The following DOCK4 variants were observed in gnomAD, a reference collection of about 807,000 sequenced individuals.
DOCK4 encodes the protein dedicator of cytokinesis protein 4.
Under a neutral mutation model 268.1 loss-of-function variants are expected in DOCK4, and 97 were observed. The ratio of observed to expected loss-of-function variants is 0.36; its 90% CI spans 0.31 to 0.43. DOCK4 has a LOEUF of 0.43. DOCK4 is among the 20% of genes least tolerant of loss of function. The pLI is 1.00. For synonymous variants in DOCK4, 954 were observed against 887.2 expected (o/e 1.08, Z -1.34); for missense variants, 2,145 against 2,455.7 (o/e 0.87, Z 2.67).
At chr7:111,973,807 C>G (rs1306610258) in intron 8 of DOCK4, among the ~76,000 whole-genome samples, 1 of 151,858 alleles carries the variant, frequency 6.6e-6, no homozygotes, top group Non-Finnish European at 1.5e-5. Context: ...GTTGTTGAAG[C>G]TGGTGGAGGG....
chr7:111,831,658 C>T (rs990129355), intron 26 of DOCK4, among the ~76,000 whole-genome samples: 1 of 151,832 alleles, frequency 6.6e-6, no homozygotes, highest in Non-Finnish European at 1.5e-5. Context: ...CTAGTTTTTA[C>T]AAACTTTTTA....
At chr7:111,751,145 A>T (rs868545130) in intron 42 of DOCK4, among the ~76,000 whole-genome samples, 2 of 152,218 alleles carry the variant, frequency 1.3e-5, no homozygotes, top group South Asian at 4.1e-4. Context: ...ACCAAGTATG[A>T]AGTAGTCTTG....
chr7:112,026,955 T>TCG (rs1802853101), intron 1 of DOCK4, among the ~76,000 whole-genome samples: 1 of 152,112 alleles, frequency 6.6e-6, no homozygotes, highest in Non-Finnish European at 1.5e-5. Flanking sequence ...AGGTGGGAGG[T>TCG]CGATCTTCAG....
At chr7:111,742,556 TC>T (rs57736716) in intron 44 of DOCK4, among the ~76,000 whole-genome samples, 145,524 of 152,090 alleles carry the variant, frequency 0.96, 69,656 homozygotes, top group Middle Eastern at 0.98. Flanking sequence ...TGGCACCCTC[TC>T]CCCCCACATT....
chr7:111,825,278 A>T (rs1802306035), intron 26 of DOCK4, among the ~76,000 whole-genome samples: 1 of 152,228 alleles, frequency 6.6e-6, no homozygotes, highest in South Asian at 2.1e-4. Flanking sequence ...CATGTAATTT[A>T]GTTTAGCAAG....
rs983421572 is a variant in DOCK4 at position 111,917,708 on chromosome 7, A to T, written c.1067-1804T>A. On this transcript the variant is annotated intron_variant, in intron 12 of 52. Coordinates refer to ENST00000428084, the MANE Select transcript of DOCK4 (RefSeq NM_001363540.2). The stretch of plus-strand genomic sequence containing the variant: ...GTGACAGAGCGAGACCCCATAATAA[A>T]AAAAAAAAAAAAGATGAATTTGCTT... Among the ~76,000 whole-genome samples, 40 of 151,598 alleles carry T rather than the reference A, an allele frequency of 2.6e-4. 1 individual carries two copies. Among genetic ancestry groups the T allele is most frequent in the Middle Eastern group, 3.4e-3 (1 of 294 alleles).
intron 4 of DOCK4, among the ~76,000 whole-genome samples, chr7:111,998,020 C>T (rs1800105679): frequency 6.6e-6 from 1 of 152,126 alleles, no homozygotes; most frequent in African/African-American, 2.4e-5. Context: ...AGTGGTCACA[C>T]AAGAATATGT....
chr7:111,749,707 G>A (rs536308824), intron 42 of DOCK4, among the ~76,000 whole-genome samples: 1 of 152,174 alleles, frequency 6.6e-6, no homozygotes, highest in Non-Finnish European at 1.5e-5. Context: ...GATTGGTATA[G>A]AGTTCATCAA....
chr7:111,998,337 G>C, intron 4 of DOCK4, 111 bp downstream of exon 4: 1 of 825,934 alleles, frequency 1.2e-6, no homozygotes, highest in East Asian at 2.8e-5. Context: ...ACAGACAATG[G>C]TATGATCTTC....
chr7:111,972,861 A>G (rs6968561), intron 8 of DOCK4, among the ~76,000 whole-genome samples: 45,861 of 151,032 alleles, frequency 0.3, 8,914 homozygotes, highest in African/African-American at 0.56. Context: ...GTTCTTTAGT[A>G]GTGATTTCTG....
intron 10 of DOCK4, among the ~76,000 whole-genome samples, chr7:111,942,385 G>A (rs980298434): frequency 6.6e-6 from 1 of 152,160 alleles, no homozygotes; most frequent in Non-Finnish European, 1.5e-5. Flanking sequence ...TCTGTAAGAA[G>A]TATGTGTCCC....
chr7:112,008,747 A>G (rs2135345388), intron 1 of DOCK4, among the ~76,000 whole-genome samples: 1 of 152,348 alleles, frequency 6.6e-6, no homozygotes, highest in Non-Finnish European at 1.5e-5. Context: ...TAATCCCAGC[A>G]CTTTGCGGGG....
intron 1 of DOCK4, among the ~76,000 whole-genome samples, chr7:112,167,468 A>T (rs542353816): frequency 4.6e-5 from 7 of 152,358 alleles, no homozygotes; most frequent in Admixed American, 3.9e-4. Context: ...GGAAAAGGCC[A>T]TGAAAATACT....
intron 1 of DOCK4, among the ~76,000 whole-genome samples, chr7:112,040,961 T>C (rs1188298425): frequency 6.6e-6 from 1 of 152,222 alleles, no homozygotes; most frequent in Non-Finnish European, 1.5e-5. Flanking sequence ...TAGTTATCTC[T>C]GGATGACGGA....
At chr7:112,102,501 G>A (rs1414020384) in intron 1 of DOCK4, among the ~76,000 whole-genome samples, 2 of 152,194 alleles carry the variant, frequency 1.3e-5, no homozygotes, top group African/African-American at 2.4e-5. Flanking sequence ...ATAGTATTAT[G>A]AGGTGGGGCC....
intron 52 of DOCK4, among the ~76,000 whole-genome samples, chr7:111,731,591 T>TAAAG (rs1795087666): frequency 6.6e-6 from 1 of 152,204 alleles, no homozygotes; most frequent in Non-Finnish European, 1.5e-5. Context: ...TTTTTATGTT[T>TAAAG]AAAGATGTTA....
chr7:111,791,100 A>AT (rs67130458), intron 30 of DOCK4, among the ~76,000 whole-genome samples: 4,935 of 123,384 alleles, frequency 0.04, 336 homozygotes, highest in African/African-American at 0.099. Flanking sequence ...ATATATATAT[A>AT]AAATAAATCA....
At chr7:111,838,205 T>A (rs1803390938) in intron 25 of DOCK4, among the ~76,000 whole-genome samples, 1 of 151,256 alleles carries the variant, frequency 6.6e-6, no homozygotes, top group Non-Finnish European at 1.5e-5. Context: ...GAAAGGCTGA[T>A]CTAACTTTAA....
At chr7:112,020,685 TAAAAAAAAAAA>T (rs58803593) in intron 1 of DOCK4, among the ~76,000 whole-genome samples, 1 of 116,922 alleles carries the variant, frequency 8.6e-6, no homozygotes, top group African/African-American at 3.2e-5. Context: ...ACCCTAAAAG[TAAAAAAAAAAA>T]AAAAAAAAAA....
Sources: allele counts gnomAD v4.1 joint callset (sites outside exome capture counted in the v4.1 genomes callset), GRCh38; gene constraint gnomAD v4.1.1; transcripts MANE v1.5; gene names NCBI Gene and HGNC (gene_info 2026-07-23, HGNC 2026-07-21).